The following TNFSF11 variants were observed in gnomAD, a reference collection of about 807,000 sequenced individuals.
TNFSF11 encodes TNF superfamily member 11, also known as tumor necrosis factor ligand superfamily member 11.
Under a neutral mutation model 32.2 loss-of-function variants are expected in TNFSF11, and 12 were observed. The observed-to-expected ratio is 0.37, with a 90% CI of 0.24 to 0.60. The LOEUF is 0.60. TNFSF11 is among the 20% of genes least tolerant of loss of function. The probability of loss-of-function intolerance (pLI) is 0.66; values close to 1 mark genes in which losing one functional copy is unlikely to be tolerated. For missense variants in TNFSF11, 345 were observed against 398.0 expected (o/e 0.87, Z 1.13); for synonymous variants, 172 against 152.1 (o/e 1.13, Z -0.96).
intron 4 of TNFSF11, among the ~76,000 whole-genome samples, chr13:42,604,119 A>G (rs2137911401): frequency 6.6e-6 from 1 of 152,348 alleles, no homozygotes; most frequent in South Asian, 2.1e-4. Context: ...TTGAGAGGGT[A>G]GACTTCTCTT....
intron 2 of TNFSF11, among the ~76,000 whole-genome samples, chr13:42,594,119 G>A (rs537422755): frequency 2.8e-4 from 43 of 151,948 alleles, no homozygotes; most frequent in African/African-American, 1.0e-3. Flanking sequence ...TCATTCTGTT[G>A]CCCAGGCTGG....
chr13:42,569,465 G>A (rs570278002), upstream of TNFSF11, among the ~76,000 whole-genome samples: 28 of 151,330 alleles, frequency 1.9e-4, no homozygotes, highest in East Asian at 4.3e-3. Context: ...GGAGAATGGC[G>A]TGAACCCAGG....
At chr13:42,603,094 C>T (rs1445356860) in intron 4 of TNFSF11, among the ~76,000 whole-genome samples, 2 of 152,172 alleles carry the variant, frequency 1.3e-5, no homozygotes, top group African/African-American at 4.8e-5. Context: ...TTGGCCAGTA[C>T]TGGAGGTTTC....
intron 2 of TNFSF11, among the ~76,000 whole-genome samples, chr13:42,585,729 A>AT (rs1348975430): frequency 1.3e-5 from 2 of 152,224 alleles, no homozygotes; most frequent in African/African-American, 4.8e-5. Flanking sequence ...CACTCAGCCC[A>AT]TAGACCCCCT....
At chr13:42,601,070 C>CT in intron 4 of TNFSF11, 89 bp downstream of exon 4, 1 of 1,483,082 alleles carries the variant, frequency 6.7e-7, no homozygotes, top group Non-Finnish European at 9.3e-7. Flanking sequence ...TAGTCTGTCA[C>CT]TGAATTTTTG....
At position 42,606,925 on chromosome 13, in the gene TNFSF11, GT is replaced by G; in HGVS notation, c.*12del. ...AGTTCGAGATATAGATTGAGCCCCA[GT>G]TTTTGGAGTGTTATGTATTTCCTGG... On this transcript the variant is annotated 3_prime_UTR_variant, in exon 5 of 5. Coordinates refer to ENST00000398795, the MANE Select transcript of TNFSF11 (RefSeq NM_003701.4). 1.2e-6 allele frequency: 2 copies of G among 1,614,060 alleles called. No individual in the cohort carries two copies. The highest frequency in any genetic ancestry group is 1.7e-6 in the Non-Finnish European group (2 of 1,179,970).
Position 42,603,909 on chromosome 13 carries a change from A to G in TNFSF11, c.533-2588A>G, listed in dbSNP as rs118175816. 2.3e-3 allele frequency among the ~76,000 whole-genome samples: 356 copies of G among 152,338 alleles called. 2 individuals are homozygous for G. The highest frequency in any genetic ancestry group is 6.8e-3 in the Middle Eastern group (2 of 294). On this transcript the variant is annotated intron_variant, in intron 4 of 4. Coordinates refer to ENST00000398795, the MANE Select transcript of TNFSF11 (RefSeq NM_003701.4). Reference sequence around the variant, plus strand: ...ATTGTGTGACTGATCAAAAGCATGAACCAGTGAATGTATGAGTAAGTCAAT... The same window carrying G: ...ATTGTGTGACTGATCAAAAGCATGAGCCAGTGAATGTATGAGTAAGTCAAT...
chr13:42,580,995 A>T (rs1873577793), intron 1 of TNFSF11, 131 bp from the exon 2 acceptor site: 1 of 918,740 alleles, frequency 1.1e-6, no homozygotes, highest in Non-Finnish European at 1.7e-6. Flanking sequence ...GGTTCATTGT[A>T]TTAACTATTC....
intron 4 of TNFSF11, among the ~76,000 whole-genome samples, chr13:42,602,280 C>CTA (rs2137907983): frequency 6.6e-6 from 1 of 152,290 alleles, no homozygotes; most frequent in African/African-American, 2.4e-5. Context: ...ATGAGGTAGA[C>CTA]TGCTAACATT....
upstream of TNFSF11, among the ~76,000 whole-genome samples, chr13:42,573,597 C>G (rs1005421205): frequency 2.0e-5 from 3 of 152,176 alleles, no homozygotes; most frequent in Non-Finnish European, 4.4e-5. Context: ...CATTCAAGAC[C>G]TGCCTCGCTC....
At chr13:42,565,208 T>A (rs1182454100) in intron 1 of TNFSF11, among the ~76,000 whole-genome samples, 1 of 88,450 alleles carries the variant, frequency 1.1e-5, no homozygotes, top group Non-Finnish European at 2.2e-5. Context: ...CGATAACTTT[T>A]AAAATATATA....
chr13:42,574,693 G>T (rs747253700), intron 1 of TNFSF11, among the ~76,000 whole-genome samples, 171 bp downstream of exon 1: 4 of 151,832 alleles, frequency 2.6e-5, no homozygotes, highest in Non-Finnish European at 5.9e-5. Flanking sequence ...ACAACCTGGC[G>T]CAGGGCTGTC....
At chr13:42,600,440 A>G (rs371351332) in intron 2 of TNFSF11, among the ~76,000 whole-genome samples, 4 of 152,216 alleles carry the variant, frequency 2.6e-5, no homozygotes, top group East Asian at 3.9e-4. Context: ...CCATTTGTGT[A>G]CCTGCTACAG....
intron 2 of TNFSF11, among the ~76,000 whole-genome samples, chr13:42,584,354 A>G (rs979975072): frequency 6.6e-6 from 1 of 152,246 alleles, no homozygotes; most frequent in Non-Finnish European, 1.5e-5. Flanking sequence ...TAAAAGTTAT[A>G]GTAATTTCTC....
chr13:42,602,124 A>G (rs1594480525), intron 4 of TNFSF11, among the ~76,000 whole-genome samples: 1 of 152,196 alleles, frequency 6.6e-6, no homozygotes, highest in African/African-American at 2.4e-5. Flanking sequence ...CAGGGGTGCT[A>G]AAATCTGACT....
intron 2 of TNFSF11, among the ~76,000 whole-genome samples, chr13:42,593,805 G>A (rs1458336706): frequency 6.6e-6 from 1 of 152,224 alleles, no homozygotes; most frequent in Non-Finnish European, 1.5e-5. Context: ...CCAGCCAGAT[G>A]TCTCTGCAGC....
intron 4 of TNFSF11, among the ~76,000 whole-genome samples, chr13:42,602,960 A>G (rs1869257802): frequency 6.6e-6 from 1 of 152,152 alleles, no homozygotes; most frequent in Non-Finnish European, 1.5e-5. Context: ...ACTCCTGGTT[A>G]TTTTCTGACA....
intron 2 of TNFSF11, among the ~76,000 whole-genome samples, chr13:42,600,300 T>C (rs1869097432): frequency 6.6e-6 from 1 of 152,200 alleles, no homozygotes; most frequent in Non-Finnish European, 1.5e-5. Flanking sequence ...CATCGTTCTC[T>C]TTCCTGTGGG....
intron 2 of TNFSF11, among the ~76,000 whole-genome samples, chr13:42,583,176 C>A: frequency 6.6e-6 from 1 of 151,644 alleles, no homozygotes; most frequent in East Asian, 1.9e-4. Context: ...TTTGGGAGGC[C>A]GAGGTGGGAG....
Sources: allele counts gnomAD v4.1 joint callset (sites outside exome capture counted in the v4.1 genomes callset), GRCh38; gene constraint gnomAD v4.1.1; transcripts MANE v1.5; gene names NCBI Gene and HGNC (gene_info 2026-07-23, HGNC 2026-07-21).